FSHR: variants seen among roughly 807,000 people sequenced by gnomAD.
FSHR encodes follicle-stimulating hormone receptor.
In FSHR, 46 loss-of-function variants were observed where a neutral mutation model predicts 52.1. The ratio of observed to expected loss-of-function variants is 0.88; its 90% CI spans 0.70 to 1.13. The LOEUF is 1.13. FSHR is among the 50% of genes most tolerant of loss of function. The pLI, the probability that FSHR is intolerant of heterozygous loss-of-function variation, is 0.00. For synonymous variants in FSHR, 399 were observed against 309.6 expected (o/e 1.29, Z -3.03); for missense variants, 964 against 834.6 (o/e 1.16, Z -1.91).
chr2:49,103,270 G>T (rs1671100429), intron 1 of FSHR, among the ~76,000 whole-genome samples: 1 of 152,076 alleles, frequency 6.6e-6, no homozygotes, highest in Non-Finnish European at 1.5e-5. Flanking sequence ...TGCTGGTGTG[G>T]CTCCTCTTAT....
At chr2:49,061,713 T>TAA (rs1411256977) in intron 2 of FSHR, among the ~76,000 whole-genome samples, 1 of 141,268 alleles carries the variant, frequency 7.1e-6, no homozygotes, top group Non-Finnish European at 1.5e-5. Context: ...ATATTATATA[T>TAA]AACTATATAT....
intron 1 of FSHR, among the ~76,000 whole-genome samples, chr2:49,084,414 C>T (rs1670297080): frequency 6.6e-6 from 1 of 151,922 alleles, no homozygotes; most frequent in African/African-American, 2.4e-5. Context: ...CAGTTGACAC[C>T]CTAACATCAC....
At chr2:48,975,272 A>G (rs1380386602) in intron 8 of FSHR, among the ~76,000 whole-genome samples, 1 of 152,008 alleles carries the variant, frequency 6.6e-6, no homozygotes, top group Non-Finnish European at 1.5e-5. Context: ...TTTTGGACTC[A>G]GGGATTTGTA....
At chr2:49,117,288 A>G (rs1671637187) in intron 1 of FSHR, among the ~76,000 whole-genome samples, 1 of 152,134 alleles carries the variant, frequency 6.6e-6, no homozygotes, top group Admixed American at 6.6e-5. Context: ...TGCCACACAC[A>G]TCTTTGCATC....
At chr2:48,974,436 A>C (rs879848702) in intron 8 of FSHR, among the ~76,000 whole-genome samples, 3 of 152,210 alleles carry the variant, frequency 2.0e-5, no homozygotes, top group Non-Finnish European at 4.4e-5. Context: ...CCATTTGCAC[A>C]TGGTGGCTTT....
intron 1 of FSHR, among the ~76,000 whole-genome samples, chr2:49,112,259 A>T (rs1671448614): frequency 2.6e-5 from 4 of 152,220 alleles, no homozygotes; most frequent in Admixed American, 2.0e-4. Flanking sequence ...AAGACAGTGA[A>T]GTTGTGTAAG....
intron 1 of FSHR, among the ~76,000 whole-genome samples, chr2:49,114,646 G>T (rs1045545331): frequency 2.0e-5 from 3 of 152,134 alleles, no homozygotes; most frequent in Admixed American, 2.0e-4. Flanking sequence ...GGGACAATAT[G>T]TGTGAAAATA....
chr2:48,969,804 AGCAGCACCAGTGATGTGGGCGCTTTTCTG>A (rs977342827), intron 8 of FSHR, among the ~76,000 whole-genome samples: 1 of 152,214 alleles, frequency 6.6e-6, no homozygotes, highest in Non-Finnish European at 1.5e-5. Flanking sequence ...CCTTTCTGGC[AGCAGCACCAGTGATGTGGGCGCTTTTCTG>A]GCAGCACCAC....
chr2:49,105,097 C>T (rs1671176109), intron 1 of FSHR, among the ~76,000 whole-genome samples: 1 of 152,086 alleles, frequency 6.6e-6, no homozygotes, highest in Non-Finnish European at 1.5e-5. Flanking sequence ...GGAGTGGGTA[C>T]TGAGACCAAT....
At chr2:49,104,301 C>T (rs1671148206) in intron 1 of FSHR, among the ~76,000 whole-genome samples, 1 of 152,116 alleles carries the variant, frequency 6.6e-6, no homozygotes, top group African/African-American at 2.4e-5. Context: ...TTCCTCAGCA[C>T]AGGTGGAGGA....
At chr2:49,040,885 G>T (rs1243481951) in intron 2 of FSHR, among the ~76,000 whole-genome samples, 3 of 152,164 alleles carry the variant, frequency 2.0e-5, no homozygotes, top group Non-Finnish European at 1.5e-5. Context: ...TTAAATCAGG[G>T]CCCAGCGTTG....
intron 2 of FSHR, among the ~76,000 whole-genome samples, chr2:49,056,007 G>C (rs1669048778): frequency 6.6e-6 from 1 of 151,896 alleles, no homozygotes; most frequent in African/African-American, 2.4e-5. Context: ...AGGACAAAGA[G>C]AAAGGAATCA....
chr2:49,059,471 T>C (rs544683854), intron 2 of FSHR: 1 of 151,698 alleles, frequency 6.6e-6, no homozygotes, highest in South Asian at 2.1e-4. Flanking sequence ...CGTAAATTAA[T>C]GCACGTATCT....
intron 1 of FSHR, among the ~76,000 whole-genome samples, chr2:49,073,508 T>C (rs1442369906): frequency 6.6e-6 from 1 of 151,948 alleles, no homozygotes; most frequent in African/African-American, 2.4e-5. Flanking sequence ...TGAAAGACCT[T>C]CACAAGGGAA....
At chr2:49,145,610 T>G (rs147993499) in intron 1 of FSHR, among the ~76,000 whole-genome samples, 311 of 152,192 alleles carry the variant, frequency 2.0e-3, no homozygotes, top group African/African-American at 7.1e-3. Context: ...AGTTGTCAAA[T>G]TAGTGATTTC....
At chr2:49,006,922 A>G (rs1667094370) in intron 4 of FSHR, among the ~76,000 whole-genome samples, 1 of 152,104 alleles carries the variant, frequency 6.6e-6, no homozygotes, top group Non-Finnish European at 1.5e-5. Flanking sequence ...ATTATCCAAC[A>G]TTGTTTGACA....
intron 1 of FSHR, among the ~76,000 whole-genome samples, chr2:49,091,714 C>A (rs1670618764): frequency 6.6e-6 from 1 of 152,170 alleles, no homozygotes; most frequent in Non-Finnish European, 1.5e-5. Flanking sequence ...TTTTGTGGGT[C>A]TGTTCTGCTA....
chr2:49,028,058 G>T (rs138142766), intron 2 of FSHR, among the ~76,000 whole-genome samples: 31 of 152,176 alleles, frequency 2.0e-4, no homozygotes, highest in African/African-American at 6.5e-4. Flanking sequence ...ATGTTGATCA[G>T]GTCGTTTGGG....
Position 49,089,636 on chromosome 2 carries a change from C to G in FSHR, c.153-21346G>C, listed in dbSNP as rs542626893. On this transcript the variant is annotated intron_variant, in intron 1 of 9. Coordinates refer to ENST00000406846, the MANE Select transcript of FSHR (RefSeq NM_000145.4). ...CAACAATGATATAATAGGATCAAAACCTTGCATTTAACAAAGAAAGTATGT... is the reference window on the plus strand; with the variant it reads ...CAACAATGATATAATAGGATCAAAAGCTTGCATTTAACAAAGAAAGTATGT... 3.3e-5 allele frequency among the ~76,000 whole-genome samples: 5 copies of G among 152,236 alleles called. No individual in the cohort carries two copies. In the South Asian group the frequency reaches 6.2e-4, roughly 19 times the overall value.
Sources: gnomAD v4.1 joint callset for allele counts (sites outside exome capture counted in the v4.1 genomes callset) on GRCh38, gnomAD v4.1.1 for gene constraint, MANE v1.5 for transcripts, NCBI Gene and HGNC (gene_info 2026-07-23, HGNC 2026-07-21) for gene names.